The following NAA25 variants were observed in gnomAD, a reference collection of about 807,000 sequenced individuals.
The protein encoded by NAA25 is N-terminal acetyltransferase B complex subunit NAA25.
Under a neutral mutation model 132.5 loss-of-function variants are expected in NAA25, and 30 were observed. The observed-to-expected ratio is 0.23, with a 90% confidence interval of 0.17 to 0.31. NAA25 has a LOEUF of 0.31. Ranked by LOEUF, NAA25 falls within the 10% of genes least tolerant of loss-of-function variation. The pLI is 1.00. For missense variants in NAA25, 771 were observed against 1,150.4 expected (o/e 0.67, Z 4.77); for synonymous variants, 359 against 401.9 (o/e 0.89, Z 1.28).
chr12:112,042,026 T>C lies in NAA25; in HGVS notation c.2440+13A>G, dbSNP rs2078306705. ...CAGATACAAATACAGGAATCTACAG[T>C]AGGAAAACTTACCTTTTAACTGGTC... On this transcript the variant is annotated intron_variant, in intron 20 of 23. Transcript: ENST00000261745. 3 of 1,429,218 alleles carry C rather than the reference T, an allele frequency of 2.1e-6. No homozygotes were observed. The highest frequency in any genetic ancestry group is 1.5e-5 in the African/African-American group (1 of 66,744). The allele number at this position is 1,429,218 out of a possible 1,614,324, so 88.5% of individuals were successfully genotyped here.
chr12:112,090,991 G>C, intron 2 of NAA25, 127 bp from the exon 3 acceptor site: 1 of 868,966 alleles, frequency 1.2e-6, no homozygotes. Flanking sequence ...TTTCAGGCTG[G>C]GTGCGGCGGC....
At chr12:112,089,679 T>C (rs141005618) in intron 3 of NAA25, among the ~76,000 whole-genome samples, 3 of 152,034 alleles carry the variant, frequency 2.0e-5, no homozygotes, top group East Asian at 2.0e-4. Context: ...TAACTCTTGG[T>C]AGGTAAAAGG....
chr12:112,057,763 G>T (rs2078568766), intron 13 of NAA25, among the ~76,000 whole-genome samples: 1 of 152,188 alleles, frequency 6.6e-6, no homozygotes, highest in Admixed American at 6.5e-5. Context: ...GGCCGAGGTG[G>T]GTGGATCACG....
intron 1 of NAA25, among the ~76,000 whole-genome samples, chr12:112,108,272 C>G (rs1226322862): frequency 6.6e-6 from 1 of 152,176 alleles, no homozygotes; most frequent in African/African-American, 2.4e-5. Flanking sequence ...CCCACCTAGT[C>G]AGACAACCCT....
intron 1 of NAA25, among the ~76,000 whole-genome samples, chr12:112,103,871 T>C (rs1001884198): frequency 5.9e-5 from 9 of 152,182 alleles, no homozygotes; most frequent in African/African-American, 1.9e-4. Context: ...CTCACATGCA[T>C]AGTTCACAAC....
At position 112,027,124 on chromosome 12, in the gene NAA25, TAA is replaced by T. The variant is rs2078096482; in HGVS notation, c.*2405_*2406del. ...TAAAAAGCAATAATTTTTCAGTCTGTAAACAGTAGTCGTGATTTTTCTCCTTT... is the reference window on the plus strand; with the variant it reads ...TAAAAAGCAATAATTTTTCAGTCTGTACAGTAGTCGTGATTTTTCTCCTTT... On this transcript the variant is annotated 3_prime_UTR_variant, in exon 24 of 24. Coordinates refer to ENST00000261745, the MANE Select transcript of NAA25 (RefSeq NM_024953.4). 1 of 152,540 alleles carries T rather than the reference TAA, an allele frequency of 6.6e-6. No individual in the cohort carries two copies. Among genetic ancestry groups the T allele is most frequent in the African/African-American group, 2.4e-5 (1 of 41,430 alleles). 9.4% of individuals were successfully genotyped at this position (152,540 alleles called of 1,614,324 possible).
chr12:112,108,780 A>T lies in NAA25; in HGVS notation c.-7T>A, dbSNP rs1290872081. The T allele has an allele frequency of 1.3e-6, 2 of 1,517,044 alleles. No homozygotes were observed. The highest frequency in any genetic ancestry group is 1.8e-6 in the Non-Finnish European group (2 of 1,128,542). The allele number at this position is 1,517,044 out of a possible 1,614,324, so 94.0% of individuals were successfully genotyped here. A position where few individuals can be genotyped will look rare whatever the true frequency, so the allele number is the denominator to read the frequency against. ...CATGGCCCCGCGTCGCCATGATGAC[A>T]AGCGCAGAACCACAGTGCGCACGCG... On this transcript the variant is annotated 5_prime_UTR_variant, in exon 1 of 24. Transcript: ENST00000261745.
rs1425241229 is a variant in NAA25 at position 112,029,560 on chromosome 12, G to A, written c.2890C>T (p.Leu964Phe). ...LEMGELLKKR[L>F]ETTKKLKI ...ATTTTTAGTTTCTTTGTGGTCTCAA[G>A]TCTTTTTTTCAGCAGCTCCCCCATT... is the stretch of plus-strand genomic sequence containing the variant. The change falls in exon 24 of 24, where the codon CTT becomes TTT. Residue 964 changes from leucine to phenylalanine, a missense_variant. Leu to Phe is a conservative substitution (Grantham distance 22). Coordinates refer to ENST00000261745, the MANE Select transcript of NAA25 (RefSeq NM_024953.4). 2 of 1,614,050 alleles carry A rather than the reference G, an allele frequency of 1.2e-6. No homozygotes were observed. Among genetic ancestry groups the A allele is most frequent in the East Asian group, 4.5e-5 (2 of 44,878 alleles).
intron 3 of NAA25, among the ~76,000 whole-genome samples, chr12:112,088,912 G>A (rs377595925): frequency 8.1e-4 from 124 of 152,164 alleles, no homozygotes; most frequent in African/African-American, 2.8e-3. Context: ...GAGCCACTGC[G>A]CCCGGCTGAA....
At chr12:112,056,559 T>C (rs1220602399) in intron 13 of NAA25, among the ~76,000 whole-genome samples, 1 of 152,012 alleles carries the variant, frequency 6.6e-6, no homozygotes, top group East Asian at 1.9e-4. Flanking sequence ...AATAAAAAAA[T>C]AGCCTTTCAG....
chr12:112,054,601 T>C (rs201749665), intron 13 of NAA25, 33 bp from the exon 14 acceptor site: 303 of 1,577,928 alleles, frequency 1.9e-4, no homozygotes, highest in Non-Finnish European at 2.5e-4. Flanking sequence ...TCCACTGATC[T>C]TGACAGCAAA....
chr12:112,088,869 C>A (rs2079092246), intron 3 of NAA25, among the ~76,000 whole-genome samples: 1 of 152,166 alleles, frequency 6.6e-6, no homozygotes, highest in Non-Finnish European at 1.5e-5. Context: ...ATCCACCCAC[C>A]TCAGCCTCCC....
intron 22 of NAA25, among the ~76,000 whole-genome samples, chr12:112,037,165 T>G (rs2136804828): frequency 6.6e-6 from 1 of 151,372 alleles, no homozygotes; most frequent in South Asian, 2.1e-4. Flanking sequence ...CTAGCCAAAT[T>G]TGGCATAATT....
chr12:112,103,639 G>A (rs770852936), intron 1 of NAA25, among the ~76,000 whole-genome samples: 24 of 152,206 alleles, frequency 1.6e-4, no homozygotes, highest in Admixed American at 1.3e-4. Flanking sequence ...CTACCACACT[G>A]TCCAAGAGGA....
chr12:112,071,880 A>G lies in NAA25; in HGVS notation c.1036+15T>C, dbSNP rs762109701. 2 of 1,600,468 alleles carry G rather than the reference A, an allele frequency of 1.2e-6. No homozygotes were observed. The highest frequency in any genetic ancestry group is 1.7e-6 in the Non-Finnish European group (2 of 1,172,166). ...AGGGCATTCTCCAGGCTTACCAGAT[A>G]TCATGGTTTCTTACCCAGTTTGTAC... On this transcript the variant is annotated intron_variant, in intron 10 of 23. Transcript: ENST00000261745.
intron 1 of NAA25, among the ~76,000 whole-genome samples, chr12:112,101,496 C>T (rs978875069): frequency 1.1e-4 from 16 of 152,070 alleles, no homozygotes; most frequent in Admixed American, 2.6e-4. Flanking sequence ...GTGGCTCATG[C>T]CTGTAATCCC....
rs568812422 is a variant in NAA25 at position 112,053,598 on chromosome 12, C to G, written c.1688G>C (p.Cys563Ser). The G allele has an allele frequency of 4.7e-5, 75 of 1,608,406 alleles. No individual in the cohort carries two copies. The highest frequency in any genetic ancestry group is 6.3e-5 in the Non-Finnish European group (74 of 1,177,114). The change falls in exon 15 of 24, where the codon TGT becomes TCT. Residue 563 changes from cysteine to serine, a missense_variant. Around this residue, in one of 3 missense-constraint regions of NAA25, gnomAD observed 417 missense variants for 733.8 expected, o/e 0.57. Coordinates refer to ENST00000261745, the MANE Select transcript of NAA25 (RefSeq NM_024953.4). Reference protein sequence around the residue: ...LGQYAAASQSCNFALRFFHSN... With the variant: ...LGQYAAASQSSNFALRFFHSN... ...GTGAAAAAACCTGAGTGCGAAGTTA[C>G]AGGATTGGGACGCAGCAGCATACTG...
chr12:112,099,512 T>C (rs1448804693), intron 1 of NAA25, among the ~76,000 whole-genome samples: 1 of 152,174 alleles, frequency 6.6e-6, no homozygotes, highest in Non-Finnish European at 1.5e-5. Flanking sequence ...GATAATACTA[T>C]AATGCAGCTA....
At chr12:112,077,879 TA>T (rs887833322) in intron 7 of NAA25, among the ~76,000 whole-genome samples, 26 of 148,126 alleles carry the variant, frequency 1.8e-4, no homozygotes, top group Admixed American at 8.1e-4. Context: ...CATTCGTGTT[TA>T]AAAAAAAAAG....
Sources: gnomAD v4.1 joint callset for allele counts (sites outside exome capture counted in the v4.1 genomes callset) on GRCh38, gnomAD v4.1.1 for gene constraint, gnomAD v4.1.1 regional missense constraint, MANE v1.5 for transcripts, NCBI Gene and HGNC (gene_info 2026-07-23, HGNC 2026-07-21) for gene names.